CCSER1: variants seen among roughly 807,000 people sequenced by gnomAD.
CCSER1 encodes the protein serine-rich coiled-coil domain-containing protein 1.
CCSER1 carries 41 observed loss-of-function variants against 82.0 expected under a neutral mutation model. The observed-to-expected ratio is 0.50, with a 90% CI of 0.39 to 0.65. The LOEUF (loss-of-function observed/expected upper bound fraction) is 0.65, where lower values mean the gene tolerates loss of function less well. Among genes scored for constraint, CCSER1 ranks in the 30% least tolerant of loss-of-function variants. The pLI, the probability that CCSER1 is intolerant of heterozygous loss-of-function variation, is 0.00. For synonymous variants in CCSER1, 414 were observed against 383.9 expected, an observed-to-expected ratio of 1.08 and a Z score of -0.92; for missense variants, 1,119 against 1,064.2, an observed-to-expected ratio of 1.05 and a Z score of -0.72.
intron 5 of CCSER1, among the ~76,000 whole-genome samples, chr4:90,505,413 T>C (rs1036726478): frequency 6.6e-6 from 1 of 152,142 alleles, no homozygotes; most frequent in African/African-American, 2.4e-5. Flanking sequence ...AAGTTGAATC[T>C]AGACTATGGG....
chr4:90,999,419 C>T (rs1201744531), intron 9 of CCSER1, among the ~76,000 whole-genome samples: 1 of 152,076 alleles, frequency 6.6e-6, no homozygotes, highest in Non-Finnish European at 1.5e-5. Context: ...TTAATAATAG[C>T]CATTCTTACT....
intron 1 of CCSER1, among the ~76,000 whole-genome samples, chr4:90,263,121 A>G (rs562359735): frequency 6.6e-6 from 1 of 152,272 alleles, no homozygotes; most frequent in African/African-American, 2.4e-5. Flanking sequence ...CATCTCTGCT[A>G]TGAGAAACTT....
intron 9 of CCSER1, among the ~76,000 whole-genome samples, chr4:91,073,189 G>T (rs915755564): frequency 2.0e-5 from 3 of 151,974 alleles, no homozygotes; most frequent in Non-Finnish European, 2.9e-5. Flanking sequence ...TTTGACATTT[G>T]GCTGTTCTTT....
chr4:90,423,841 C>T (rs1366818683), intron 4 of CCSER1, among the ~76,000 whole-genome samples: 6 of 151,478 alleles, frequency 4.0e-5, no homozygotes, highest in East Asian at 3.9e-4. Context: ...TGGTGGCTCA[C>T]GCCTGTAATC....
At chr4:90,433,102 A>G (rs952451875) in intron 4 of CCSER1, among the ~76,000 whole-genome samples, 1 of 151,766 alleles carries the variant, frequency 6.6e-6, no homozygotes, top group African/African-American at 2.4e-5. Context: ...CTGCAGACAT[A>G]TATGTATATT....
chr4:90,276,230 C>CTT (rs1385481456), intron 1 of CCSER1, among the ~76,000 whole-genome samples: 1 of 106,252 alleles, frequency 9.4e-6, no homozygotes, highest in East Asian at 2.7e-4. Context: ...TTCTTTCTTT[C>CTT]TTTCTTTCTT....
chr4:91,032,376 A>G (rs927297323), intron 9 of CCSER1, among the ~76,000 whole-genome samples: 12 of 152,200 alleles, frequency 7.9e-5, no homozygotes, highest in Non-Finnish European at 1.8e-4. Flanking sequence ...ATAGCATTCT[A>G]GTAGTCTAGG....
At chr4:91,463,799 A>G (rs75115391) in intron 10 of CCSER1, among the ~76,000 whole-genome samples, 1 of 152,234 alleles carries the variant, frequency 6.6e-6, no homozygotes, top group African/African-American at 2.4e-5. Context: ...AGAGAAGTTT[A>G]GAGAAAAAAG....
At position 90,778,155 on chromosome 4, in the gene CCSER1, G is replaced by A. The variant is rs985598940; in HGVS notation, c.2011-37607G>A. On this transcript the variant is annotated intron_variant, in intron 7 of 10. Transcript: ENST00000509176. ...TTTTTGCCTGTAACCAAATAACTCA[G>A]ATTATATTATCTTGAACACTGTGCT... is the stretch of plus-strand genomic sequence containing the variant. 4.6e-5 allele frequency among the ~76,000 whole-genome samples: 7 copies of A among 152,218 alleles called. No individual in the cohort carries two copies. The East Asian group carries it at 1.4e-3, about 29-fold the overall frequency.
intron 5 of CCSER1, among the ~76,000 whole-genome samples, chr4:90,605,299 A>C (rs1220883001): frequency 2.6e-5 from 4 of 152,206 alleles, no homozygotes; most frequent in Non-Finnish European, 4.4e-5. Flanking sequence ...TTGTGGACAC[A>C]TCGGGATTGG....
intron 4 of CCSER1, among the ~76,000 whole-genome samples, chr4:90,410,707 A>G (rs1173632895): frequency 6.6e-6 from 1 of 151,816 alleles, no homozygotes; most frequent in Non-Finnish European, 1.5e-5. Context: ...CCCTAACATC[A>G]CAATTAACTA....
In CCSER1 at chr4:90,309,125, G is replaced by A. The variant is rs1444807764; in HGVS notation, c.841G>A (p.Ala281Thr). ...TGCATTTTCTAAAAGTGGAAGCATG[G>A]CATCCCACTGTGACAACTTTGGCCA... Reference protein sequence around the residue: ...MDAFSKSGSMASHCDNFGHND... With the variant: ...MDAFSKSGSMTSHCDNFGHND... Residue 281 changes from alanine (A) to threonine (T), a missense_variant, in exon 2 of 11, where the codon GCA becomes ACA. By Grantham distance (58) the Ala-to-Thr change is moderately conservative (BLOSUM62 0). Coordinates refer to ENST00000509176, the MANE Select transcript of CCSER1 (RefSeq NM_001145065.2). 2 of 1,613,850 alleles carry A rather than the reference G, an allele frequency of 1.2e-6. No individual in the cohort carries two copies. The highest frequency in any genetic ancestry group is 1.7e-6 in the Non-Finnish European group (2 of 1,179,824).
At chr4:90,328,519 T>C (rs1738636607) in intron 3 of CCSER1, among the ~76,000 whole-genome samples, 3 of 152,202 alleles carry the variant, frequency 2.0e-5, no homozygotes, top group Admixed American at 2.0e-4. Flanking sequence ...ATGTAATACA[T>C]TGTAATACTA....
At chr4:91,321,593 A>G (rs1578189927) in intron 10 of CCSER1, among the ~76,000 whole-genome samples, 1 of 152,094 alleles carries the variant, frequency 6.6e-6, no homozygotes, top group African/African-American at 2.4e-5. Context: ...ATGAAATACT[A>G]TCTTTTTAAA....
At chr4:90,882,056 A>C (rs138110629) in intron 8 of CCSER1, among the ~76,000 whole-genome samples, 1 of 152,066 alleles carries the variant, frequency 6.6e-6, no homozygotes, top group African/African-American at 2.4e-5. Flanking sequence ...AATTTCATCA[A>C]TTGTGTTATA....
At chr4:90,156,940 C>T (rs184069109) in intron 1 of CCSER1, among the ~76,000 whole-genome samples, 8 of 152,234 alleles carry the variant, frequency 5.3e-5, no homozygotes, top group Admixed American at 1.3e-4. Context: ...TTATTTTGCT[C>T]GTTAGTTCAT....
intron 8 of CCSER1, among the ~76,000 whole-genome samples, chr4:90,864,491 C>T (rs772970702): frequency 2.0e-5 from 3 of 151,956 alleles, no homozygotes; most frequent in Non-Finnish European, 4.4e-5. Flanking sequence ...CAAGCTCTCT[C>T]TCCATGTGAT....
At chr4:91,070,654 T>C (rs977882586) in intron 9 of CCSER1, among the ~76,000 whole-genome samples, 15 of 152,128 alleles carry the variant, frequency 9.9e-5, no homozygotes, top group Non-Finnish European at 2.1e-4. Flanking sequence ...GAACTGTGCA[T>C]GCAAGGGATC....
At chr4:90,656,550 A>T (rs1729737531) in intron 6 of CCSER1, among the ~76,000 whole-genome samples, 1 of 151,730 alleles carries the variant, frequency 6.6e-6, no homozygotes, top group African/African-American at 2.4e-5. Flanking sequence ...TCATTTTTAT[A>T]TGTCTCTAGT....
Sources: allele counts gnomAD v4.1 joint callset (sites outside exome capture counted in the v4.1 genomes callset), GRCh38; gene constraint gnomAD v4.1.1; transcripts MANE v1.5; gene names NCBI Gene and HGNC (gene_info 2026-07-23, HGNC 2026-07-21).